MGAT4C: variants seen among roughly 807,000 people sequenced by gnomAD.
The protein encoded by MGAT4C is MGAT4 family member C.
A neutral mutation model predicts 40.1 loss-of-function variants in MGAT4C; 19 were observed. The ratio of observed to expected loss-of-function variants is 0.47; its 90% CI spans 0.33 to 0.70. The LOEUF is 0.70. Among genes scored for constraint, MGAT4C ranks in the 30% least tolerant of loss-of-function variants. MGAT4C has a pLI of 0.02. For missense variants in MGAT4C, 491 were observed against 563.2 expected (o/e 0.87, Z 1.30); for synonymous variants, 181 against 187.1 (o/e 0.97, Z 0.27).
At chr12:86,334,298 A>G (rs1441654008) in intron 3 of MGAT4C, among the ~76,000 whole-genome samples, 1 of 152,068 alleles carries the variant, frequency 6.6e-6, no homozygotes, top group African/African-American at 2.4e-5. Flanking sequence ...CTCTCCCCCA[A>G]TATCTTTGCA....
chr12:86,377,682 T>G (rs1193389552), intron 3 of MGAT4C, among the ~76,000 whole-genome samples: 1 of 152,238 alleles, frequency 6.6e-6, no homozygotes, highest in African/African-American at 2.4e-5. Flanking sequence ...TCTACATATT[T>G]TTAATGTTGT....
intron 1 of MGAT4C, among the ~76,000 whole-genome samples, chr12:86,797,853 A>G (rs138809600): frequency 9.2e-5 from 14 of 152,124 alleles, no homozygotes; most frequent in African/African-American, 3.4e-4. Flanking sequence ...CCAGCATCTT[A>G]GAATAAAGTC....
intron 1 of MGAT4C, among the ~76,000 whole-genome samples, chr12:86,200,127 G>GTTTTTTTTTTTT (rs56844963): frequency 2.5e-4 from 26 of 102,330 alleles, no homozygotes; most frequent in South Asian, 6.3e-4. Flanking sequence ...GTATGTATTT[G>GTTTTTTTTTTTT]TTTTTTTTTT....
chr12:86,429,571 T>C (rs929889105), intron 3 of MGAT4C, among the ~76,000 whole-genome samples: 3 of 151,618 alleles, frequency 2.0e-5, no homozygotes, highest in Non-Finnish European at 4.4e-5. Context: ...TTTGTTTTTG[T>C]TTTTTTCTTT....
chr12:86,576,660 G>A (rs1308597733), intron 2 of MGAT4C, among the ~76,000 whole-genome samples: 1 of 151,708 alleles, frequency 6.6e-6, no homozygotes, highest in Non-Finnish European at 1.5e-5. Flanking sequence ...TGAGTTCTCT[G>A]TTCTGTTCCA....
intron 3 of MGAT4C, among the ~76,000 whole-genome samples, chr12:86,405,431 C>A (rs1234232393): frequency 6.6e-6 from 1 of 151,940 alleles, no homozygotes; most frequent in Non-Finnish European, 1.5e-5. Context: ...AGAAGGCTTG[C>A]ACCAGACTTG....
chr12:86,611,425 T>TGAC, intron 2 of MGAT4C, among the ~76,000 whole-genome samples: 3 of 150,382 alleles, frequency 2.0e-5, no homozygotes, highest in Admixed American at 6.7e-5. Context: ...GGTAGGTAGA[T>TGAC]AGATAGATGA....
intron 1 of MGAT4C, among the ~76,000 whole-genome samples, chr12:86,154,139 A>G (rs913040452): frequency 1.3e-5 from 2 of 152,126 alleles, no homozygotes; most frequent in African/African-American, 4.8e-5. Flanking sequence ...GTTCATTACC[A>G]TGAATTGTAT....
intron 1 of MGAT4C, among the ~76,000 whole-genome samples, chr12:86,750,526 C>T (rs758569633): frequency 1.1e-4 from 17 of 151,794 alleles, no homozygotes; most frequent in Non-Finnish European, 1.9e-4. Context: ...ACAAACTTGT[C>T]CATGGTAGTC....
chr12:86,657,699 A>T (rs1226316994), intron 2 of MGAT4C, among the ~76,000 whole-genome samples: 6 of 151,930 alleles, frequency 3.9e-5, no homozygotes, highest in African/African-American at 1.4e-4. Context: ...TGTTATGAGC[A>T]ATACTATACT....
chr12:86,763,488 T>C (rs895124853), intron 1 of MGAT4C, among the ~76,000 whole-genome samples: 3 of 152,218 alleles, frequency 2.0e-5, no homozygotes, highest in African/African-American at 7.2e-5. Context: ...TTATATTATG[T>C]ACTCAATTTA....
rs1883098651 is a variant in MGAT4C, at chr12:85,961,299, A to G, written c.*17990T>C. 1 of 151,888 alleles carries G rather than the reference A, an allele frequency of 6.6e-6. No homozygotes were observed. Among genetic ancestry groups the G allele is most frequent in the Non-Finnish European group, 1.5e-5 (1 of 67,822 alleles). 9.4% of individuals were successfully genotyped at this position (151,888 alleles called of 1,614,324 possible). ...GAGAGAAAAACACATTAAATGATCA[A>G]ATAATCTTTTATGAGCTCAGAAAAA... On this transcript the variant is annotated 3_prime_UTR_variant, in exon 5 of 5. Transcript: ENST00000611864.
At position 86,401,543 on chromosome 12, in the gene MGAT4C, A is replaced by C. The variant is rs578131116; in HGVS notation, c.-120+33614T>G. Among the ~76,000 whole-genome samples the C allele has an allele frequency of 1.4e-3, 213 of 152,264 alleles. 2 individuals are homozygous for C. Among genetic ancestry groups the C allele is most frequent in the African/African-American group, 4.9e-3 (204 of 41,570 alleles). On this transcript the variant is annotated intron_variant, in intron 3 of 7. Coordinates refer to the MGAT4C transcript ENST00000548651. Reference sequence around the variant, plus strand: ...TATCTCTTCAAAATTTTGTCAAATTAGACAAAAAAGATAATCTATTCCTAA... The same window carrying C: ...TATCTCTTCAAAATTTTGTCAAATTCGACAAAAAAGATAATCTATTCCTAA...
intron 3 of MGAT4C, among the ~76,000 whole-genome samples, chr12:86,433,017 C>T (rs1957070332): frequency 6.6e-6 from 1 of 151,884 alleles, no homozygotes; most frequent in Admixed American, 6.6e-5. Context: ...CTGAGCCACA[C>T]AGTTCAGTTA....
chr12:86,569,546 AT>A (rs1272077683), intron 2 of MGAT4C, among the ~76,000 whole-genome samples: 4 of 152,084 alleles, frequency 2.6e-5, no homozygotes, highest in African/African-American at 9.7e-5. Context: ...CCCAAATTAA[AT>A]GTTGGTGAAG....
intron 2 of MGAT4C, among the ~76,000 whole-genome samples, chr12:85,998,197 G>A (rs1215632318): frequency 6.6e-6 from 1 of 152,196 alleles, no homozygotes; most frequent in African/African-American, 2.4e-5. Context: ...GCCATGGCTA[G>A]AGTGGCTGGG....
intron 2 of MGAT4C, among the ~76,000 whole-genome samples, chr12:86,518,416 A>G (rs1385876287): frequency 6.6e-6 from 1 of 152,232 alleles, no homozygotes. Context: ...AGCTATATAA[A>G]TCATCACTAA....
chr12:86,085,369 T>G (rs1431426815), intron 1 of MGAT4C, among the ~76,000 whole-genome samples: 1 of 152,096 alleles, frequency 6.6e-6, no homozygotes, highest in Non-Finnish European at 1.5e-5. Context: ...CCATCGTAAG[T>G]TAATTTTTGT....
intron 1 of MGAT4C, among the ~76,000 whole-genome samples, chr12:86,232,290 CTTG>C (rs1420624814): frequency 2.0e-5 from 3 of 152,096 alleles, no homozygotes; most frequent in African/African-American, 7.2e-5. Flanking sequence ...TAAATATTAG[CTTG>C]TTATCTATTC....
Sources: allele counts gnomAD v4.1 joint callset (sites outside exome capture counted in the v4.1 genomes callset), GRCh38; gene constraint gnomAD v4.1.1; transcripts MANE v1.5; gene names NCBI Gene and HGNC (gene_info 2026-07-23, HGNC 2026-07-21).